The following SATB2 variants were observed in gnomAD, a reference collection of about 807,000 sequenced individuals.
SATB2 encodes the protein SATB homeobox 2.
In SATB2, 1 loss-of-function variant was observed where a neutral mutation model predicts 73.4. That is an observed-to-expected ratio of 0.01 (90% CI 0.00 to 0.06). The LOEUF (loss-of-function observed/expected upper bound fraction) is 0.06. SATB2 is among the 10% of genes least tolerant of loss of function. The pLI, the probability that SATB2 is intolerant of heterozygous loss-of-function variation, is 1.00. For synonymous variants in SATB2, 397 were observed against 367.0 expected (o/e 1.08, Z -0.93); for missense variants, 459 against 945.8 (o/e 0.49, Z 6.75).
chr2:199,362,928 T>C (rs934884616), intron 6 of SATB2, among the ~76,000 whole-genome samples: 3 of 152,208 alleles, frequency 2.0e-5, no homozygotes, highest in African/African-American at 4.8e-5. Context: ...TTAATGTCTA[T>C]TTAAAATAAC....
intron 3 of SATB2, among the ~76,000 whole-genome samples, chr2:199,383,693 AG>A (rs979615074): frequency 1.3e-5 from 2 of 152,226 alleles, no homozygotes; most frequent in Non-Finnish European, 2.9e-5. Flanking sequence ...TATAAAAAAA[AG>A]GACCCTACAA....
intron 10 of SATB2, among the ~76,000 whole-genome samples, chr2:199,294,448 C>T (rs1016895412): frequency 1.3e-5 from 2 of 152,160 alleles, no homozygotes; most frequent in Non-Finnish European, 2.9e-5. Flanking sequence ...TTATGTTATA[C>T]AACCAAAGAA....
At chr2:199,277,042 G>A (rs931511316) in intron 10 of SATB2, among the ~76,000 whole-genome samples, 1 of 152,170 alleles carries the variant, frequency 6.6e-6, no homozygotes, top group Non-Finnish European at 1.5e-5. Flanking sequence ...TCGAGTGAAA[G>A]AAGTCAGATA....
At chr2:199,456,565 G>C (rs1692281598) in intron 1 of SATB2, among the ~76,000 whole-genome samples, 1 of 152,214 alleles carries the variant, frequency 6.6e-6, no homozygotes, top group African/African-American at 2.4e-5. Flanking sequence ...GCTGTGAATG[G>C]CCAGGCAGGA....
rs908577660 is a variant in SATB2, at chr2:199,455,014, G to A, written c.169+855C>T. Among the ~76,000 whole-genome samples, 3 of 152,142 alleles carry A rather than the reference G, an allele frequency of 2.0e-5. No individual in the cohort carries two copies. Among genetic ancestry groups the A allele is most frequent in the Non-Finnish European group, 2.9e-5 (2 of 68,004 alleles). On this transcript the variant is annotated intron_variant, in intron 2 of 10. Transcript: ENST00000417098. This position sits in a 1 kb window ranked among gnomAD's most constrained non-coding sequence, Gnocchi z 4.1. ...ACACAGAAAACCTGCATGCCATGTG[G>A]AATTGTGGATTTTACATGTAAAAGA...
At chr2:199,372,267 T>A (rs1211005127) in intron 5 of SATB2, among the ~76,000 whole-genome samples, 2 of 152,208 alleles carry the variant, frequency 1.3e-5, no homozygotes, top group African/African-American at 2.4e-5. Context: ...GAATTTTTTT[T>A]AAATAAGGTA....
chr2:199,299,494 G>A (rs768000649), intron 10 of SATB2, among the ~76,000 whole-genome samples: 3 of 152,104 alleles, frequency 2.0e-5, no homozygotes, highest in Non-Finnish European at 4.4e-5. Flanking sequence ...AGGAACAGAG[G>A]AAGAAATAGA....
chr2:199,444,019 A>G (rs1027586445), intron 2 of SATB2, among the ~76,000 whole-genome samples: 20 of 152,200 alleles, frequency 1.3e-4, no homozygotes, highest in Non-Finnish European at 1.2e-4. Context: ...CAGACAAAAT[A>G]TTTTAAGTAT....
At chr2:199,367,370 G>C (rs1190973543) in intron 6 of SATB2, among the ~76,000 whole-genome samples, 1 of 151,994 alleles carries the variant, frequency 6.6e-6, no homozygotes, top group African/African-American at 2.4e-5. Flanking sequence ...ATTTCTCCTG[G>C]GTAGCTCAAT....
chr2:199,399,674 G>T (rs185528008), intron 3 of SATB2, among the ~76,000 whole-genome samples: 1 of 152,292 alleles, frequency 6.6e-6, no homozygotes, highest in East Asian at 1.9e-4. Context: ...CATTCATGGG[G>T]ACGGCAAAGG....
chr2:199,285,841 T>C (rs764663423), intron 10 of SATB2, among the ~76,000 whole-genome samples: 14 of 147,710 alleles, frequency 9.5e-5, no homozygotes, highest in Non-Finnish European at 2.1e-4. Context: ...AAGTCTGACA[T>C]GGAAATATGT....
intron 9 of SATB2, among the ~76,000 whole-genome samples, chr2:199,315,351 C>A (rs1208709831): frequency 6.6e-6 from 1 of 152,026 alleles, no homozygotes; most frequent in Non-Finnish European, 1.5e-5. Context: ...AAACCACATA[C>A]CAAAGGCTGA....
intron 10 of SATB2, among the ~76,000 whole-genome samples, chr2:199,278,508 T>C (rs554304576): frequency 3.3e-5 from 5 of 152,228 alleles, no homozygotes; most frequent in African/African-American, 1.2e-4. Flanking sequence ...TCCAGCAAAA[T>C]GACACCTGAG....
intron 3 of SATB2, among the ~76,000 whole-genome samples, chr2:199,410,203 C>T (rs1000330480): frequency 6.6e-6 from 1 of 152,208 alleles, no homozygotes; most frequent in African/African-American, 2.4e-5. Flanking sequence ...CTCCTCCTCA[C>T]AGAAACTTAA....
At chr2:199,376,599 T>C (rs1689612130) in intron 5 of SATB2, among the ~76,000 whole-genome samples, 1 of 152,216 alleles carries the variant, frequency 6.6e-6, no homozygotes, top group South Asian at 2.1e-4. Context: ...GTTAAATTCC[T>C]GCATTATAGT....
At chr2:199,424,831 A>G (rs889616216) in intron 3 of SATB2, among the ~76,000 whole-genome samples, 8 of 152,332 alleles carry the variant, frequency 5.3e-5, no homozygotes, top group Admixed American at 5.2e-4. Context: ...AGAGTTGGAA[A>G]ATAATGGTAT....
chr2:199,342,107 G>T (rs2105813972), intron 7 of SATB2, among the ~76,000 whole-genome samples: 1 of 152,226 alleles, frequency 6.6e-6, no homozygotes, highest in Admixed American at 6.5e-5. Flanking sequence ...AAACTGGAGA[G>T]ATGTTAACGG....
At chr2:199,377,059 G>C (rs1187969248) in intron 5 of SATB2, among the ~76,000 whole-genome samples, 1 of 152,160 alleles carries the variant, frequency 6.6e-6, no homozygotes, top group Admixed American at 6.6e-5. Context: ...CAGGCAAAAT[G>C]ATTTTATGCC....
At chr2:199,301,556 T>G (rs769160104) in intron 10 of SATB2, among the ~76,000 whole-genome samples, 3 of 152,210 alleles carry the variant, frequency 2.0e-5, no homozygotes, top group Non-Finnish European at 4.4e-5. Context: ...GGCATTCAGA[T>G]GACTGATTGG....
Sources: allele counts gnomAD v4.1 joint callset (sites outside exome capture counted in the v4.1 genomes callset), GRCh38; gene constraint gnomAD v4.1.1; non-coding constraint Gnocchi (gnomAD v3.1); transcripts MANE v1.5; gene names NCBI Gene and HGNC (gene_info 2026-07-23, HGNC 2026-07-21).